LAMA3: variants seen among roughly 807,000 people sequenced by gnomAD.
LAMA3 encodes laminin subunit alpha-3.
Under a neutral mutation model 402.0 loss-of-function variants are expected in LAMA3, and 281 were observed. That is an observed-to-expected ratio of 0.70 (90% CI 0.63 to 0.77). LAMA3 has a LOEUF of 0.77. Among genes scored for constraint, LAMA3 ranks in the 30% least tolerant of loss-of-function variants. The pLI is 0.00. For missense variants in LAMA3, 3,840 were observed against 4,215.5 expected, an observed-to-expected ratio of 0.91 and a Z score of 2.47; for synonymous variants, 1,431 against 1,558.4, an observed-to-expected ratio of 0.92 and a Z score of 1.93.
At chr18:23,751,519 C>T (rs978363672) in intron 5 of LAMA3, among the ~76,000 whole-genome samples, 10 of 152,176 alleles carry the variant, frequency 6.6e-5, no homozygotes, top group African/African-American at 2.4e-4. Flanking sequence ...TTTGTAGGAC[C>T]TCAGAGTCCT....
chr18:23,953,130 T>C lies in LAMA3; in HGVS notation c.9856+21T>C, dbSNP rs141952992. 2.0e-4 allele frequency: 326 copies of C among 1,613,366 alleles called. 3 individuals are homozygous for C. The African/African-American group carries it at 3.4e-3, about 17-fold the overall frequency. ...TCCAGGTAACTCTTGTCCTGACTTCTATAATGTGTTGCCCTGTGTCAGCTC... is the reference window on the plus strand; with the variant it reads ...TCCAGGTAACTCTTGTCCTGACTTCCATAATGTGTTGCCCTGTGTCAGCTC... On this transcript the variant is annotated intron_variant, in intron 74 of 74. Coordinates refer to ENST00000313654, the MANE Select transcript of LAMA3 (RefSeq NM_198129.4).
intron 3 of LAMA3, 54 bp downstream of exon 3, chr18:23,748,114 A>G: frequency 9.9e-7 from 1 of 1,012,264 alleles, no homozygotes; most frequent in Non-Finnish European, 1.6e-6. Flanking sequence ...TGGAACAGAT[A>G]AAGACTATGG....
At chr18:23,820,018 A>T in intron 19 of LAMA3, 21 bp downstream of exon 19, 2 of 1,613,700 alleles carry the variant, frequency 1.2e-6, no homozygotes, top group Non-Finnish European at 1.7e-6. Context: ...CGAAGAGAGC[A>T]GCTTCATGGC....
At chr18:23,736,695 A>G (rs554540680) in intron 2 of LAMA3, among the ~76,000 whole-genome samples, 21 of 152,280 alleles carry the variant, frequency 1.4e-4, no homozygotes, top group Non-Finnish European at 2.1e-4. Context: ...GGAAAATCCT[A>G]AATCCTCTCT....
chr18:23,866,458 A>G (rs964446731), intron 36 of LAMA3, among the ~76,000 whole-genome samples: 2 of 152,226 alleles, frequency 1.3e-5, no homozygotes, highest in Non-Finnish European at 2.9e-5. Flanking sequence ...ATGCAAATCT[A>G]CTAAACTGTT....
chr18:23,759,054 T>G (rs542381343), intron 7 of LAMA3, among the ~76,000 whole-genome samples: 1 of 152,130 alleles, frequency 6.6e-6, no homozygotes, highest in Non-Finnish European at 1.5e-5. Context: ...GTTTTTTTTT[T>G]GTTTTTGTTT....
intron 62 of LAMA3, among the ~76,000 whole-genome samples, chr18:23,927,889 G>GTT (rs2082053372): frequency 2.0e-5 from 3 of 152,080 alleles, no homozygotes; most frequent in Admixed American, 2.0e-4. Flanking sequence ...CCATTCTTCT[G>GTT]TTAACATTGT....
At chr18:23,742,841 T>C (rs2061586420) in intron 2 of LAMA3, among the ~76,000 whole-genome samples, 1 of 152,226 alleles carries the variant, frequency 6.6e-6, no homozygotes, top group African/African-American at 2.4e-5. Flanking sequence ...TGTGGAATAG[T>C]ATGTTTATTA....
chr18:23,945,002 A>G (rs1479966335), intron 69 of LAMA3, among the ~76,000 whole-genome samples: 2 of 152,164 alleles, frequency 1.3e-5, no homozygotes, highest in South Asian at 2.1e-4. Flanking sequence ...GCATGGTGGC[A>G]TGCACCTGTA....
At chr18:23,716,365 C>T (rs994173336) in intron 2 of LAMA3, among the ~76,000 whole-genome samples, 1 of 151,994 alleles carries the variant, frequency 6.6e-6, no homozygotes, top group African/African-American at 2.4e-5. Context: ...CACCATGTTG[C>T]CCAGGCTGGT....
chr18:23,904,607 CA>C lies in LAMA3; in HGVS notation c.6529del (p.Thr2177ProfsTer31). The C allele has an allele frequency of 6.2e-7, 1 of 1,612,914 alleles. No individual in the cohort carries two copies. Reference sequence around the variant, plus strand: ...TGGTGCGCTGTGCTGTGGATGCCGCCACCGCCTACGAGAACATCCTCAATGC... The same window carrying C: ...TGGTGCGCTGTGCTGTGGATGCCGCCCCGCCTACGAGAACATCCTCAATGC... The part of the protein sequence containing the change: ...ELVRCAVDAA[T>X]AYENILNAIK... On this transcript the variant is annotated frameshift_variant, in exon 51 of 75. Coordinates refer to ENST00000313654, the MANE Select transcript of LAMA3 (RefSeq NM_198129.4). LOFTEE classifies it high-confidence loss of function.
intron 2 of LAMA3, among the ~76,000 whole-genome samples, chr18:23,731,422 A>T (rs1392521737): frequency 1.3e-5 from 2 of 152,182 alleles, no homozygotes; most frequent in African/African-American, 4.8e-5. Flanking sequence ...TCTTTGGAGG[A>T]CAGCTGGGGA....
At chr18:23,871,710 C>G (rs767332239) in intron 38 of LAMA3, 49 bp downstream of exon 38, 1 of 1,464,716 alleles carries the variant, frequency 6.8e-7, no homozygotes, top group South Asian at 1.2e-5. Context: ...CTCCTGTGGC[C>G]GTTTTTGGCT....
Position 23,943,989 on chromosome 18 carries a change from G to A in LAMA3, c.9210+18G>A. On this transcript the variant is annotated intron_variant, in intron 69 of 74. Coordinates refer to ENST00000313654, the MANE Select transcript of LAMA3 (RefSeq NM_198129.4). Reference sequence around the variant, plus strand: ...GGCACACGGTAAGAGCTGGGGCTGTGTCAGTATCTCCAGTTGGTGTGGAAT... The same window carrying A: ...GGCACACGGTAAGAGCTGGGGCTGTATCAGTATCTCCAGTTGGTGTGGAAT... 1 of 1,611,160 alleles carries A rather than the reference G, an allele frequency of 6.2e-7. No homozygotes were observed. The highest frequency in any genetic ancestry group is 8.5e-7 in the Non-Finnish European group (1 of 1,177,986).
chr18:23,910,786 C>T (rs1471179382), intron 55 of LAMA3, among the ~76,000 whole-genome samples: 1 of 152,076 alleles, frequency 6.6e-6, no homozygotes, highest in Non-Finnish European at 1.5e-5. Flanking sequence ...TAAATCCAAA[C>T]ACGTAGTGCC....
At chr18:23,783,725 A>G (rs2062482521) in intron 11 of LAMA3, among the ~76,000 whole-genome samples, 1 of 152,180 alleles carries the variant, frequency 6.6e-6, no homozygotes, top group Non-Finnish European at 1.5e-5. Context: ...AATTGAAGTT[A>G]TACTTTACAA....
At chr18:23,848,080 C>T (rs780649608) in intron 32 of LAMA3, among the ~76,000 whole-genome samples, 1 of 152,208 alleles carries the variant, frequency 6.6e-6, no homozygotes, top group Non-Finnish European at 1.5e-5. Flanking sequence ...TACCCTCCTT[C>T]TAGGGTTCGC....
chr18:23,793,326 T>G (rs1234285985), intron 12 of LAMA3, among the ~76,000 whole-genome samples: 1 of 151,828 alleles, frequency 6.6e-6, no homozygotes, highest in African/African-American at 2.4e-5. Context: ...GGAATTGGCT[T>G]ACCCTGGGAG....
chr18:23,837,839 A>T (rs915586733), intron 25 of LAMA3, among the ~76,000 whole-genome samples: 2 of 152,082 alleles, frequency 1.3e-5, no homozygotes, highest in Non-Finnish European at 2.9e-5. Flanking sequence ...GCCAGCCTGT[A>T]CTAATGTGTT....
Sources: gnomAD v4.1 joint callset for allele counts (sites outside exome capture counted in the v4.1 genomes callset) on GRCh38, gnomAD v4.1.1 for gene constraint, MANE v1.5 for transcripts, NCBI Gene and HGNC (gene_info 2026-07-23, HGNC 2026-07-21) for gene names.